The following CCDC30 variants were observed in gnomAD, a reference collection of about 807,000 sequenced individuals.
CCDC30 encodes the protein coiled-coil domain-containing protein 30.
A neutral mutation model predicts 100.2 loss-of-function variants in CCDC30; 70 were observed. That is an observed-to-expected ratio of 0.70 (90% CI 0.58 to 0.85). The LOEUF is 0.85. Ranked by LOEUF, CCDC30 falls within the 40% of genes least tolerant of loss-of-function variation. The pLI is 0.00. For synonymous variants in CCDC30, 233 were observed against 269.5 expected (o/e 0.86, Z 1.33); for missense variants, 652 against 771.2 (o/e 0.85, Z 1.83).
chr1:42,579,983 G>A (rs1645928963), intron 8 of CCDC30, among the ~76,000 whole-genome samples: 2 of 151,972 alleles, frequency 1.3e-5, no homozygotes, highest in Non-Finnish European at 2.9e-5. Context: ...CAGCAAGGAT[G>A]CGATTAACAC....
chr1:42,530,906 TG>T, intron 6 of CCDC30, among the ~76,000 whole-genome samples: 1 of 152,312 alleles, frequency 6.6e-6, no homozygotes, highest in East Asian at 1.9e-4. Context: ...AGGTGTCCAC[TG>T]GAGGTTTTGG....
intron 15 of CCDC30, among the ~76,000 whole-genome samples, chr1:42,651,437 A>C (rs550444266): frequency 1.1e-3 from 172 of 152,310 alleles, no homozygotes; most frequent in African/African-American, 4.0e-3. Context: ...ACATTTCTCA[A>C]AAAAAGACAT....
At chr1:42,640,231 T>G (rs1219791296) in intron 12 of CCDC30, among the ~76,000 whole-genome samples, 1 of 152,222 alleles carries the variant, frequency 6.6e-6, no homozygotes, top group African/African-American at 2.4e-5. Flanking sequence ...CTTCAGCTTT[T>G]TCTTTATATA....
At chr1:42,632,143 T>C (rs1647049795) in intron 11 of CCDC30, among the ~76,000 whole-genome samples, 1 of 152,150 alleles carries the variant, frequency 6.6e-6, no homozygotes, top group African/African-American at 2.4e-5. Flanking sequence ...TATCTGAGTA[T>C]CGCTGCTGGT....
chr1:42,618,229 CTT>C (rs563022326), intron 11 of CCDC30, among the ~76,000 whole-genome samples: 14 of 90,462 alleles, frequency 1.5e-4, no homozygotes, highest in East Asian at 4.0e-4. Context: ...CCAGTGATAT[CTT>C]TTTTTTTTTT....
At chr1:42,653,126 G>C (rs372521027) in intron 15 of CCDC30, among the ~76,000 whole-genome samples, 3 of 152,230 alleles carry the variant, frequency 2.0e-5, no homozygotes, top group Admixed American at 6.5e-5. Context: ...GGTGAAGATA[G>C]TATGTATAGT....
At chr1:42,541,168 G>A (rs2148527240) in intron 6 of CCDC30, among the ~76,000 whole-genome samples, 1 of 152,346 alleles carries the variant, frequency 6.6e-6, no homozygotes, top group South Asian at 2.1e-4. Flanking sequence ...GGCATATTCA[G>A]TGTCTGGTGA....
intron 11 of CCDC30, among the ~76,000 whole-genome samples, chr1:42,634,389 C>T (rs1027618742): frequency 6.6e-5 from 10 of 151,984 alleles, no homozygotes; most frequent in African/African-American, 2.4e-4. Context: ...GCCAATGATG[C>T]TACTAAGCAT....
chr1:42,573,555 C>T (rs1001112925), intron 7 of CCDC30, among the ~76,000 whole-genome samples: 1 of 151,950 alleles, frequency 6.6e-6, no homozygotes. Flanking sequence ...TTGCTTTCTT[C>T]CTTTCCATAT....
At chr1:42,516,992 G>C (rs1644564881) in intron 6 of CCDC30, among the ~76,000 whole-genome samples, 1 of 152,108 alleles carries the variant, frequency 6.6e-6, no homozygotes, top group Non-Finnish European at 1.5e-5. Flanking sequence ...AAAGTTCTCT[G>C]TATATTCTAG....
At chr1:42,473,471 G>T (rs751454228) in intron 1 of CCDC30, 14 of 398,266 alleles carry the variant, frequency 3.5e-5, no homozygotes, top group Non-Finnish European at 6.1e-5. Flanking sequence ...AGTCTGTGTT[G>T]GTTTCCATTA....
At position 42,500,393 on chromosome 1, in the gene CCDC30, G is replaced by A. The variant is rs1644292247; in HGVS notation, c.456+1477G>A. On this transcript the variant is annotated intron_variant, in intron 6 of 16. Coordinates refer to ENST00000668663, the Ensembl canonical transcript of CCDC30. ...CGTGAGAACGAGCGAAGTCTGGTCT[G>A]CGCAGTGGCCACCACCGAGTTCTCT... The A allele has an allele frequency of 1.4e-5, 16 of 1,148,126 alleles. 1 individual carries two copies. The South Asian group carries it at 2.0e-4, about 14-fold the overall frequency. The allele number at this position is 1,148,126 out of a possible 1,614,324, so 71.1% of individuals were successfully genotyped here.
intron 10 of CCDC30, among the ~76,000 whole-genome samples, chr1:42,600,035 T>C (rs903592428): frequency 4.6e-5 from 7 of 152,028 alleles, no homozygotes; most frequent in Non-Finnish European, 8.8e-5. Flanking sequence ...GAGAACTCTA[T>C]CACCAGACAG....
intron 1 of CCDC30, among the ~76,000 whole-genome samples, chr1:42,474,460 C>A (rs548409230): frequency 6.6e-6 from 1 of 152,140 alleles, no homozygotes; most frequent in Non-Finnish European, 1.5e-5. Context: ...TTGTTCCTGC[C>A]ATTTTAAAGA....
At chr1:42,654,400 C>G (rs1419449452), downstream of CCDC30, 1 of 193,890 alleles carries the variant, frequency 5.2e-6, no homozygotes, top group African/African-American at 2.4e-5. Context: ...TTAAAAAAAC[C>G]CTCCTATGCT....
rs2886797 is a variant in CCDC30, at chr1:42,617,286, T to A, written c.1277+6196T>A. Among the ~76,000 whole-genome samples the A allele has an allele frequency of 3.2e-4, 49 of 152,002 alleles. No homozygotes were observed. The East Asian group carries it at 3.7e-3, about 11-fold the overall frequency. On this transcript the variant is annotated intron_variant, in intron 11 of 16. Transcript: ENST00000668663. ...AGATCTCGTCTCTACCAAAAAAAAATTTTTTTAAGGAATAAATTAATTTTT... is the reference window on the plus strand; with the variant it reads ...AGATCTCGTCTCTACCAAAAAAAAAATTTTTTAAGGAATAAATTAATTTTT...
rs563590280 is a variant in CCDC30, at chr1:42,479,159, G to A, written c.-91-1302G>A. On this transcript the variant is annotated intron_variant, in intron 1 of 16. Coordinates refer to ENST00000668663, the Ensembl canonical transcript of CCDC30. The stretch of plus-strand genomic sequence containing the variant: ...GGGAGGCCGAGTTGGGCGGATCACC[G>A]GAGGTCAAGAGTTCAAGACTAGCCT... Among the ~76,000 whole-genome samples the A allele has an allele frequency of 4.6e-5, 7 of 152,082 alleles. No individual in the cohort carries two copies. In the South Asian group the frequency reaches 1.2e-3, roughly 27 times the overall value.
intron 15 of CCDC30, 73 bp from the exon 20 acceptor site, chr1:42,653,303 A>AT (rs1423137564): frequency 2.6e-6 from 2 of 777,864 alleles, no homozygotes; most frequent in African/African-American, 1.8e-5. Context: ...TTATATATAT[A>AT]TTTTTTTCTA....
At chr1:42,518,579 G>A (rs370715454) in intron 6 of CCDC30, among the ~76,000 whole-genome samples, 4 of 152,242 alleles carry the variant, frequency 2.6e-5, no homozygotes, top group African/African-American at 9.6e-5. Context: ...CAGATTTGTA[G>A]CCTGGGAGCA....
Sources: allele counts gnomAD v4.1 joint callset (sites outside exome capture counted in the v4.1 genomes callset), GRCh38; gene constraint gnomAD v4.1.1; transcripts MANE v1.5; gene names NCBI Gene and HGNC (gene_info 2026-07-23, HGNC 2026-07-21).